RAB28: variants seen among roughly 807,000 people sequenced by gnomAD.
RAB28 encodes ras-related protein Rab-28.
In RAB28, 24 loss-of-function variants were observed where a neutral mutation model predicts 31.7. The observed-to-expected ratio is 0.76, with a 90% CI of 0.55 to 1.06. RAB28 has a LOEUF of 1.06. RAB28 is among the 50% of genes least tolerant of loss of function. The pLI, the probability that RAB28 is intolerant of heterozygous loss-of-function variation, is 0.00. For synonymous variants in RAB28, 100 were observed against 90.4 expected (o/e 1.11, Z -0.60); for missense variants, 254 against 258.5 (o/e 0.98, Z 0.12).
chr4:13,408,184 C>A (rs746801126), intron 4 of RAB28, among the ~76,000 whole-genome samples: 1 of 152,096 alleles, frequency 6.6e-6, no homozygotes, highest in Admixed American at 6.5e-5. Flanking sequence ...GAGATACCTT[C>A]CATCAGTACC....
intron 4 of RAB28, among the ~76,000 whole-genome samples, chr4:13,412,612 A>G (rs1324542593): frequency 1.3e-5 from 2 of 152,080 alleles, no homozygotes; most frequent in Non-Finnish European, 2.9e-5. Flanking sequence ...GAAAAAATTT[A>G]CCTCACTAAA....
At chr4:13,426,286 TACC>T (rs1169687867) in intron 4 of RAB28, among the ~76,000 whole-genome samples, 1 of 152,178 alleles carries the variant, frequency 6.6e-6, no homozygotes, top group Non-Finnish European at 1.5e-5. Flanking sequence ...AGTCTCAGGT[TACC>T]ACCTCATCTC....
At chr4:13,452,407 G>A (rs1421085704) in intron 4 of RAB28, among the ~76,000 whole-genome samples, 1 of 151,754 alleles carries the variant, frequency 6.6e-6, no homozygotes, top group East Asian at 1.9e-4. Context: ...GGCATTTATT[G>A]ATACATACTT....
At chr4:13,435,609 A>C (rs1279985041) in intron 4 of RAB28, among the ~76,000 whole-genome samples, 1 of 152,230 alleles carries the variant, frequency 6.6e-6, no homozygotes, top group Non-Finnish European at 1.5e-5. Context: ...CCATGTGCAC[A>C]AACTAGAAAA....
intron 4 of RAB28, among the ~76,000 whole-genome samples, chr4:13,436,844 T>C (rs1307833163): frequency 6.6e-6 from 1 of 152,078 alleles, no homozygotes; most frequent in Non-Finnish European, 1.5e-5. Flanking sequence ...CCATTTTTCA[T>C]AGAATTAGAT....
At chr4:13,406,914 TAG>T in intron 4 of RAB28, among the ~76,000 whole-genome samples, 1 of 152,314 alleles carries the variant, frequency 6.6e-6, no homozygotes, top group South Asian at 2.1e-4. Flanking sequence ...GTCAAATGGA[TAG>T]ATTTGCAAAA....
chr4:13,462,081 T>A (rs1160392209), intron 3 of RAB28, among the ~76,000 whole-genome samples: 1 of 152,222 alleles, frequency 6.6e-6, no homozygotes, highest in Non-Finnish European at 1.5e-5. Context: ...CGGATTTAAG[T>A]TCCAAACCAT....
At chr4:13,419,159 T>C (rs938667211) in intron 4 of RAB28, among the ~76,000 whole-genome samples, 1 of 151,960 alleles carries the variant, frequency 6.6e-6, no homozygotes, top group Admixed American at 6.6e-5. Context: ...AAGAAGGCCA[T>C]TACATAATGG....
chr4:13,397,582 C>T (rs1044225394), intron 4 of RAB28, among the ~76,000 whole-genome samples: 5 of 152,048 alleles, frequency 3.3e-5, no homozygotes, highest in African/African-American at 1.2e-4. Flanking sequence ...TGACATTCTT[C>T]TCTTCAAATC....
rs990803163 is a variant in RAB28 at position 13,370,753 on chromosome 4, CAAA to C, written c.574-2106_574-2104del. ...AATTCCATACAGAAACAAACAAGTTCAAAATGCAGTTGCAGGTCATGTAAAAAA... is the reference window on the plus strand; with the variant it reads ...AATTCCATACAGAAACAAACAAGTTCATGCAGTTGCAGGTCATGTAAAAAA... On this transcript the variant is annotated intron_variant, in intron 6 of 6. Transcript: ENST00000330852. The C allele has an allele frequency of 1.2e-5, 12 of 984,540 alleles. No individual in the cohort carries two copies. The African/African-American group carries it at 2.1e-4, about 17-fold the overall frequency. The allele number at this position is 984,540 out of a possible 1,614,324, so 61.0% of individuals were successfully genotyped here. A position where few individuals can be genotyped will look rare whatever the true frequency, so the allele number is the denominator to read the frequency against.
chr4:13,414,991 T>A (rs115730816), intron 4 of RAB28, among the ~76,000 whole-genome samples: 2,168 of 152,316 alleles, frequency 0.014, 51 homozygotes, highest in African/African-American at 0.049. Context: ...GCAATTCTTA[T>A]AAAGTCAGTA....
chr4:13,391,605 C>T (rs938350869), intron 4 of RAB28, among the ~76,000 whole-genome samples: 2 of 152,144 alleles, frequency 1.3e-5, no homozygotes, highest in Non-Finnish European at 2.9e-5. Flanking sequence ...CATATGCACA[C>T]GTATGTTTAT....
rs1310774072 is a variant in RAB28, at chr4:13,370,072, T to C, written c.574-1422A>G. ...CTGAATATAGAAGGAAACACCAAAGTAGAAAAATAAAATTAACATATAAAT... is the reference window on the plus strand; with the variant it reads ...CTGAATATAGAAGGAAACACCAAAGCAGAAAAATAAAATTAACATATAAAT... On this transcript the variant is annotated intron_variant, in intron 6 of 6. Coordinates refer to ENST00000330852, the MANE Select transcript of RAB28 (RefSeq NM_001017979.3). The C allele has an allele frequency of 3.5e-6, 5 of 1,443,574 alleles. No individual in the cohort carries two copies. The African/African-American group carries it at 5.9e-5, about 17-fold the overall frequency. The allele number at this position is 1,443,574 out of a possible 1,614,324, so 89.4% of individuals were successfully genotyped here.
At chr4:13,458,611 C>T (rs1215669374) in intron 4 of RAB28, among the ~76,000 whole-genome samples, 1 of 152,172 alleles carries the variant, frequency 6.6e-6, no homozygotes, top group Non-Finnish European at 1.5e-5. Flanking sequence ...ATTTCACATA[C>T]ATTCATGTGT....
At chr4:13,476,401 T>C (rs1249161928) in intron 2 of RAB28, among the ~76,000 whole-genome samples, 2 of 151,458 alleles carry the variant, frequency 1.3e-5, no homozygotes, top group African/African-American at 4.8e-5. Context: ...TTCCAGTGAC[T>C]CAGAAATAAA....
intron 5 of RAB28, among the ~76,000 whole-genome samples, chr4:13,379,725 T>C (rs35913709): frequency 0.074 from 11,187 of 152,150 alleles, 576 homozygotes; most frequent in South Asian, 0.12. Flanking sequence ...TGATCTGTAG[T>C]ATGCAAGAGT....
At chr4:13,390,822 TA>T (rs1332200602) in intron 4 of RAB28, among the ~76,000 whole-genome samples, 1 of 152,164 alleles carries the variant, frequency 6.6e-6, no homozygotes, top group East Asian at 1.9e-4. Context: ...CCCTATTTAA[TA>T]AATGGTGCTG....
chr4:13,370,171 G>A lies in RAB28; in HGVS notation c.574-1521C>T, dbSNP rs1173372202. ...CATACAAAAGGAAAGAAAAGGAAAG[G>A]AACAAAGACCCAAGAAACATTATTC... On this transcript the variant is annotated intron_variant, in intron 6 of 6. Transcript: ENST00000330852. 5 of 980,878 alleles carry A rather than the reference G, an allele frequency of 5.1e-6. No individual in the cohort carries two copies. In the African/African-American group the frequency reaches 8.8e-5, roughly 17 times the overall value. The allele number at this position is 980,878 out of a possible 1,614,324, so 60.8% of individuals were successfully genotyped here. A position where few individuals can be genotyped will look rare whatever the true frequency, so the allele number is the denominator to read the frequency against.
chr4:13,461,196 A>G (rs1715574196), intron 3 of RAB28, among the ~76,000 whole-genome samples: 1 of 152,242 alleles, frequency 6.6e-6, no homozygotes, highest in East Asian at 1.9e-4. Context: ...CATGAGGTCA[A>G]GCATTTAAAC....
Sources: allele counts gnomAD v4.1 joint callset (sites outside exome capture counted in the v4.1 genomes callset), GRCh38; gene constraint gnomAD v4.1.1; transcripts MANE v1.5; gene names NCBI Gene and HGNC (gene_info 2026-07-23, HGNC 2026-07-21).